Variants in BNIP5 observed in about 807,000 individuals in gnomAD.
BNIP5 encodes the protein protein BNIP5.
In BNIP5, 61 loss-of-function variants were observed where a neutral mutation model predicts 67.3. That is an observed-to-expected ratio of 0.91 (90% CI 0.74 to 1.12). BNIP5 has a LOEUF of 1.12. BNIP5 is among the 50% of genes most tolerant of loss of function. The pLI is 0.00. For missense variants in BNIP5, 826 were observed against 816.3 expected (o/e 1.01, Z -0.14); for synonymous variants, 317 against 319.0 (o/e 0.99, Z 0.07).
In BNIP5 at chr6:36,316,992, C is replaced by A; in HGVS notation, c.*364G>T. 1 of 429,356 alleles carries A rather than the reference C, an allele frequency of 2.3e-6. No individual in the cohort carries two copies. The highest frequency in any genetic ancestry group is 8.5e-5 in the South Asian group (1 of 11,766). The allele number at this position is 429,356 out of a possible 1,614,324, so 26.6% of individuals were successfully genotyped here. A position where few individuals can be genotyped will look rare whatever the true frequency, so the allele number is the denominator to read the frequency against. On this transcript the variant is annotated 3_prime_UTR_variant, in exon 12 of 12. Coordinates refer to ENST00000437635, the MANE Select transcript of BNIP5 (RefSeq NM_001010903.5). ...AAAAACTAGACTCAGTTAACATGAA[C>A]ATCTGAGAAAATATCAGTAGGCCTT... is the stretch of plus-strand genomic sequence containing the variant.
Position 36,326,610 on chromosome 6 carries a change from C to G in BNIP5, c.936G>C (p.Gly312=). 4.3e-6 allele frequency: 7 copies of G among 1,614,214 alleles called. No homozygotes were observed. The highest frequency in any genetic ancestry group is 5.9e-6 in the Non-Finnish European group (7 of 1,180,048). ...KKHGSEEAKR[G]AADVSSPEAW... ...CCTCTGGACTGGAAACATCTGCAGC[C>G]CCCCTCTTGGCCTCCTCGGAGCCGT... Residue 312 remains glycine, a synonymous_variant, in exon 5 of 12, where the codon GGG becomes GGC. Transcript: ENST00000437635.
rs1300601888 is a variant in BNIP5, at chr6:36,328,658, A to C, written c.667T>G (p.Leu223Val). 1 of 1,613,908 alleles carries C rather than the reference A, an allele frequency of 6.2e-7. No individual in the cohort carries two copies. The highest frequency in any genetic ancestry group is 1.7e-5 in the Admixed American group (1 of 59,998). Reference sequence around the variant, plus strand: ...CCTGTGGCATGGGGAGAAACATCCAAAGCTCCAGTACCATCCACTTTGATG... The same window carrying C: ...CCTGTGGCATGGGGAGAAACATCCACAGCTCCAGTACCATCCACTTTGATG... ...FLIKVDGTGA[L>V]DVSPHATGHQ... is the part of the protein sequence containing the mutation. Residue 223 changes from leucine to valine, a missense_variant, in exon 3 of 12, where the codon TTG becomes GTG. By Grantham distance (32) the Leu-to-Val change is conservative. Coordinates refer to ENST00000437635, the MANE Select transcript of BNIP5 (RefSeq NM_001010903.5).
chr6:36,328,720 A>G lies in BNIP5; in HGVS notation c.611-6T>C, dbSNP rs1437176347. 1.3e-6 allele frequency: 2 copies of G among 1,590,940 alleles called. No homozygotes were observed. The highest frequency in any genetic ancestry group is 3.3e-5 in the Admixed American group (2 of 60,012). ...GTGATCAGAATCTTCCCCACCTGGA[A>G]TAGAGACGAAAGCAAACGGGTATGT... is the stretch of plus-strand genomic sequence containing the variant. On this transcript the variant is annotated splice_region_variant and splice_polypyrimidine_tract_variant and intron_variant, in intron 2 of 11. Coordinates refer to ENST00000437635, the MANE Select transcript of BNIP5 (RefSeq NM_001010903.5).
At position 36,316,958 on chromosome 6, in the gene BNIP5, AT is replaced by A; in HGVS notation, c.*397del. 2 of 424,270 alleles carry A rather than the reference AT, an allele frequency of 4.7e-6. No individual in the cohort carries two copies. Among genetic ancestry groups the A allele is most frequent in the Non-Finnish European group, 8.3e-6 (2 of 241,450 alleles). 26.3% of individuals were successfully genotyped at this position (424,270 alleles called of 1,614,324 possible). ...TGTTCTGTTTAGAGATTAAATAAAA[AT>A]TTAGTTTAAAAACTAGACTCAGTTA... On this transcript the variant is annotated 3_prime_UTR_variant, in exon 12 of 12. Coordinates refer to ENST00000437635, the MANE Select transcript of BNIP5 (RefSeq NM_001010903.5).
chr6:36,318,776 G>C (rs1001223660), intron 11 of BNIP5, among the ~76,000 whole-genome samples: 27 of 151,972 alleles, frequency 1.8e-4, no homozygotes, highest in African/African-American at 6.5e-4. Flanking sequence ...CAGAGACTTG[G>C]GGGAGGCGAA....
At position 36,336,003 on chromosome 6, in the gene BNIP5, G is replaced by T. The variant is rs961830140; in HGVS notation, c.-5+709C>A. Among the ~76,000 whole-genome samples, 5 of 152,078 alleles carry T rather than the reference G, an allele frequency of 3.3e-5. No homozygotes were observed. The Middle Eastern group carries it at 0.01, about 310-fold the overall frequency. ...TATGCACATGGAGTCACACAATCAC[G>T]TGTGCCTAGGTATAGACACCCATGC... On this transcript the variant is annotated intron_variant, in intron 1 of 11. Coordinates refer to ENST00000437635, the MANE Select transcript of BNIP5 (RefSeq NM_001010903.5).
intron 6 of BNIP5, among the ~76,000 whole-genome samples, chr6:36,324,650 T>C (rs1348194679): frequency 1.1e-5 from 1 of 87,396 alleles, no homozygotes; most frequent in Non-Finnish European, 2.2e-5. Context: ...TATATATATG[T>C]TTCTAGGCCT....
chr6:36,335,918 G>A (rs145425113), intron 1 of BNIP5, among the ~76,000 whole-genome samples: 7 of 152,306 alleles, frequency 4.6e-5, no homozygotes, highest in Non-Finnish European at 1.0e-4. Flanking sequence ...ACTTAGGGGA[G>A]AAACCTGCTA....
rs1339127686 is a variant in BNIP5 at position 36,323,283 on chromosome 6, G to T, written c.1471+10C>A. 7 of 1,613,956 alleles carry T rather than the reference G, an allele frequency of 4.3e-6. No individual in the cohort carries two copies. The highest frequency in any genetic ancestry group is 5.1e-6 in the Non-Finnish European group (6 of 1,180,026). On this transcript the variant is annotated intron_variant, in intron 8 of 11. Transcript: ENST00000437635. ...GCCTCTGTTACCATGGCAACACCAGGCCTGCTCACCAAGGCTGCTGGAGGT... is the reference window on the plus strand; with the variant it reads ...GCCTCTGTTACCATGGCAACACCAGTCCTGCTCACCAAGGCTGCTGGAGGT...
intron 1 of BNIP5, among the ~76,000 whole-genome samples, chr6:36,332,579 C>T (rs781072619): frequency 1.4e-4 from 22 of 152,252 alleles, no homozygotes; most frequent in Admixed American, 1.1e-3. Context: ...TGGCACAACA[C>T]GTAAGGTATC....
chr6:36,324,237 C>T (rs1293740862), intron 6 of BNIP5, 47 bp from the exon 7 acceptor site: 1 of 1,531,518 alleles, frequency 6.5e-7, no homozygotes, highest in East Asian at 2.2e-5. Flanking sequence ...TACGAAATCT[C>T]TTCTGCGGTC....
rs760857464 is a variant in BNIP5, at chr6:36,327,106, C to A, written c.728-12G>T. 4 of 1,610,910 alleles carry A rather than the reference C, an allele frequency of 2.5e-6. No homozygotes were observed. The highest frequency in any genetic ancestry group is 1.1e-5 in the South Asian group (1 of 91,014). ...AATGATAGCATCCTCTGGAAGAAAG[C>A]AAATGCATCCGGTTATTCTTTCTAA... On this transcript the variant is annotated splice_polypyrimidine_tract_variant and intron_variant, in intron 3 of 11. Coordinates refer to ENST00000437635, the MANE Select transcript of BNIP5 (RefSeq NM_001010903.5).
At position 36,321,142 on chromosome 6, in the gene BNIP5, G is replaced by A; in HGVS notation, c.1668+13C>T. 6.4e-7 allele frequency: 1 copy of A among 1,572,510 alleles called. No homozygotes were observed. Among genetic ancestry groups the A allele is most frequent in the Middle Eastern group, 1.8e-4 (1 of 5,674 alleles). ...CCCTGGGGTTGGCCTGGGGAGGGCT[G>A]AGTGGTACTCACCTGCTGCCCCAGT... On this transcript the variant is annotated intron_variant, in intron 10 of 11. Coordinates refer to ENST00000437635, the MANE Select transcript of BNIP5 (RefSeq NM_001010903.5).
intron 1 of BNIP5, among the ~76,000 whole-genome samples, chr6:36,332,430 G>A (rs1031545010): frequency 2.0e-5 from 3 of 152,100 alleles, no homozygotes; most frequent in Non-Finnish European, 4.4e-5. Context: ...GTTGTTTCCT[G>A]TCTGAGTCTC....
rs769333185 is a variant in BNIP5, at chr6:36,319,531, C to T, written c.1748G>A (p.Arg583His). 30 of 1,613,984 alleles carry T rather than the reference C, an allele frequency of 1.9e-5. No homozygotes were observed. The highest frequency in any genetic ancestry group is 5.3e-5 in the African/African-American group (4 of 74,910). ...SSLSKLVATL[R>H]SQVAHSSKLD... is the part of the protein sequence containing the mutation. Reference sequence around the variant, plus strand: ...CTTAGAGGAGTGAGCCACCTGGCTGCGCAGGGTGGCTACCAGCTTGCTGAG... The same window carrying T: ...CTTAGAGGAGTGAGCCACCTGGCTGTGCAGGGTGGCTACCAGCTTGCTGAG... Residue 583 changes from arginine to histidine, a missense_variant, in exon 11 of 12, where the codon CGC (arginine) becomes CAC (histidine). By Grantham distance (29) the Arg-to-His change is conservative (BLOSUM62 0). Coordinates refer to ENST00000437635, the MANE Select transcript of BNIP5 (RefSeq NM_001010903.5).
At chr6:36,323,829 G>A (rs926647988) in intron 7 of BNIP5, among the ~76,000 whole-genome samples, 2 of 152,018 alleles carry the variant, frequency 1.3e-5, no homozygotes, top group Admixed American at 6.6e-5. Flanking sequence ...GTAAAACCCT[G>A]TCTCTACTGA....
chr6:36,325,296 T>C lies in BNIP5; in HGVS notation c.1155A>G (p.Arg385=). Residue 385 remains arginine (R), a synonymous_variant, in exon 6 of 12, where the codon AGA becomes AGG. Transcript: ENST00000437635. The part of the protein sequence containing the change: ...QEPGEELPLD[R]ASEYKEFIQK... ...AGGAGTACTGACTGTATTCCGAGGC[T>C]CTGTCCAGCGGAAGCTCCTCTCCAG... 1 of 1,614,172 alleles carries C rather than the reference T, an allele frequency of 6.2e-7. No individual in the cohort carries two copies. The highest frequency in any genetic ancestry group is 8.5e-7 in the Non-Finnish European group (1 of 1,180,016).
intron 9 of BNIP5, among the ~76,000 whole-genome samples, chr6:36,321,958 A>G (rs2127363787): frequency 6.6e-6 from 1 of 152,384 alleles, no homozygotes; most frequent in East Asian, 1.9e-4. Flanking sequence ...AAATCTGCAA[A>G]TGCTACAAAG....
At chr6:36,326,982 G>T in intron 4 of BNIP5, 48 bp downstream of exon 4, 4 of 1,539,206 alleles carry the variant, frequency 2.6e-6, no homozygotes, top group South Asian at 1.1e-5. Flanking sequence ...AGAGGAGGAG[G>T]AGGAGAAGGC....
Sources: allele counts gnomAD v4.1 joint callset (sites outside exome capture counted in the v4.1 genomes callset), GRCh38; gene constraint gnomAD v4.1.1; transcripts MANE v1.5; gene names NCBI Gene and HGNC (gene_info 2026-07-23, HGNC 2026-07-21).